SHQ1: variants seen among roughly 807,000 people sequenced by gnomAD.
SHQ1 encodes the protein SHQ1, H/ACA ribonucleoprotein assembly factor.
In SHQ1, 49 loss-of-function variants were observed where a neutral mutation model predicts 53.8. That is an observed-to-expected ratio of 0.91 (90% CI 0.72 to 1.16). SHQ1 has a LOEUF of 1.16. Among genes scored for constraint, SHQ1 ranks in the 50% most tolerant of loss-of-function variants. SHQ1 has a pLI of 0.00. For synonymous variants in SHQ1, 243 were observed against 251.0 expected, an observed-to-expected ratio of 0.97 and a Z score of 0.30; for missense variants, 738 against 683.1, an observed-to-expected ratio of 1.08 and a Z score of -0.90.
At chr3:72,777,827 A>T (rs1394271397) in intron 10 of SHQ1, among the ~76,000 whole-genome samples, 1 of 152,246 alleles carries the variant, frequency 6.6e-6, no homozygotes, top group African/African-American at 2.4e-5. Flanking sequence ...AATAACAGAC[A>T]GACAAACAGC....
At chr3:72,774,818 C>G (rs1349654909) in intron 10 of SHQ1, among the ~76,000 whole-genome samples, 1 of 152,026 alleles carries the variant, frequency 6.6e-6, no homozygotes, top group Non-Finnish European at 1.5e-5. Context: ...AAGAGAGGAT[C>G]AAGAGCGTGA....
intron 10 of SHQ1, among the ~76,000 whole-genome samples, chr3:72,770,238 C>G (rs1575682320): frequency 6.6e-6 from 1 of 152,318 alleles, no homozygotes; most frequent in African/African-American, 2.4e-5. Flanking sequence ...TAATTCTCCC[C>G]CATTTTATGG....
intron 8 of SHQ1, among the ~76,000 whole-genome samples, chr3:72,814,730 G>T (rs1422452838): frequency 6.6e-6 from 1 of 151,998 alleles, no homozygotes; most frequent in East Asian, 1.9e-4. Flanking sequence ...ATTATCTTTG[G>T]TATTTTTGGT....
At chr3:72,780,604 T>G (rs1162833321) in intron 10 of SHQ1, among the ~76,000 whole-genome samples, 1 of 152,230 alleles carries the variant, frequency 6.6e-6, no homozygotes, top group Non-Finnish European at 1.5e-5. Context: ...TTTGGGTTCT[T>G]AAGGTGTCAA....
At chr3:72,732,826 C>G in the SHQ1 span, among the ~76,000 whole-genome samples, 1 of 151,400 alleles carries the variant, frequency 6.6e-6, no homozygotes, top group Non-Finnish European at 1.5e-5. Context: ...TGAATGATCA[C>G]AGCAGAGGCC....
chr3:72,780,811 A>G (rs1435907801), intron 10 of SHQ1, among the ~76,000 whole-genome samples: 2 of 152,204 alleles, frequency 1.3e-5, no homozygotes, highest in Non-Finnish European at 2.9e-5. Flanking sequence ...ATCCATCACA[A>G]GACTAAAATC....
intron 1 of SHQ1, among the ~76,000 whole-genome samples, chr3:72,845,662 T>C (rs1708306087): frequency 6.6e-6 from 1 of 152,166 alleles, no homozygotes; most frequent in African/African-American, 2.4e-5. Flanking sequence ...AATTTAAACT[T>C]ATCAGAAGGG....
intron 9 of SHQ1, among the ~76,000 whole-genome samples, chr3:72,796,825 C>T (rs769358000): frequency 3.1e-5 from 4 of 128,820 alleles, no homozygotes; most frequent in Non-Finnish European, 6.7e-5. Context: ...GTCTCAAAAA[C>T]AAAAGAAATG....
chr3:72,827,299 G>C (rs1032718634), intron 5 of SHQ1, among the ~76,000 whole-genome samples: 1 of 152,034 alleles, frequency 6.6e-6, no homozygotes, highest in African/African-American at 2.4e-5. Context: ...ATACAAGTCT[G>C]ATGCTCAAGA....
At chr3:72,761,429 C>T (rs1705606985) in intron 10 of SHQ1, among the ~76,000 whole-genome samples, 1 of 152,178 alleles carries the variant, frequency 6.6e-6, no homozygotes, top group Admixed American at 6.5e-5. Context: ...GCCCCAGCCT[C>T]CCAAAGAGCT....
rs374678443 is a variant in SHQ1 at position 72,842,378 on chromosome 3, T to C, written c.233A>G (p.Lys78Arg). 7 of 1,613,602 alleles carry C rather than the reference T, an allele frequency of 4.3e-6. No individual in the cohort carries two copies. The highest frequency in any genetic ancestry group is 3.3e-5 in the South Asian group (3 of 91,074). The change falls in exon 3 of 11, where the codon AAA becomes AGA. Residue 78 changes from lysine to arginine, a missense_variant. Lys to Arg is a conservative substitution (Grantham distance 26). Coordinates refer to ENST00000325599, the MANE Select transcript of SHQ1 (RefSeq NM_018130.3). The stretch of plus-strand genomic sequence containing the variant: ...CTCAAAATGCTGGCCAGGGGTTTCT[T>C]TGGGCAGGCGAATGGTAAAAATTCC... Reference protein sequence around the residue: ...DKGIFTIRLPKETPGQHFEGL... With the variant: ...DKGIFTIRLPRETPGQHFEGL...
chr3:72,804,636 A>AGC (rs1706885753), intron 9 of SHQ1, among the ~76,000 whole-genome samples: 1 of 152,204 alleles, frequency 6.6e-6, no homozygotes, highest in Admixed American at 6.5e-5. Context: ...GATTTGATTC[A>AGC]TGTCTGCTGA....
At chr3:72,755,975 T>C (rs1705490136) in intron 10 of SHQ1, among the ~76,000 whole-genome samples, 1 of 152,248 alleles carries the variant, frequency 6.6e-6, no homozygotes, top group Admixed American at 6.5e-5. Context: ...CAGCGCTCCC[T>C]GTAGCTTTGA....
At chr3:72,807,589 T>A (rs541438012) in intron 9 of SHQ1, among the ~76,000 whole-genome samples, 1 of 152,316 alleles carries the variant, frequency 6.6e-6, no homozygotes, top group African/African-American at 2.4e-5. Context: ...TCAATTTTTT[T>A]AAAAGTCATT....
At chr3:72,777,033 C>T (rs975580724) in intron 10 of SHQ1, among the ~76,000 whole-genome samples, 2 of 152,062 alleles carry the variant, frequency 1.3e-5, no homozygotes, top group Non-Finnish European at 2.9e-5. Context: ...TCCCCTATTG[C>T]ATAACATACA....
intron 10 of SHQ1, among the ~76,000 whole-genome samples, chr3:72,756,865 A>G (rs1705506498): frequency 6.6e-6 from 1 of 152,252 alleles, no homozygotes; most frequent in South Asian, 2.1e-4. Context: ...AACTACCACG[A>G]AAGAGTAATT....
At chr3:72,797,422 T>C (rs1706659345) in intron 9 of SHQ1, among the ~76,000 whole-genome samples, 1 of 152,232 alleles carries the variant, frequency 6.6e-6, no homozygotes, top group African/African-American at 2.4e-5. Context: ...TTCTTTTCTA[T>C]ACTTTCCTCT....
chr3:72,779,500 A>G (rs984336821), intron 10 of SHQ1, among the ~76,000 whole-genome samples: 1 of 152,174 alleles, frequency 6.6e-6, no homozygotes. Context: ...TTGTGTATGC[A>G]AGTATTTGAT....
intron 10 of SHQ1, chr3:72,773,180 C>T (rs933586031): frequency 9.5e-6 from 7 of 733,234 alleles, no homozygotes; most frequent in Non-Finnish European, 2.6e-6. Context: ...AAAACCAGTC[C>T]AGAGTTTTCA....
Sources: allele counts gnomAD v4.1 joint callset (sites outside exome capture counted in the v4.1 genomes callset), GRCh38; gene constraint gnomAD v4.1.1; transcripts MANE v1.5; gene names NCBI Gene and HGNC (gene_info 2026-07-23, HGNC 2026-07-21).